Variants in ANKRD30B observed in about 807,000 individuals in gnomAD.
ANKRD30B encodes the protein ankyrin repeat domain 30B.
A neutral mutation model predicts 202.2 loss-of-function variants in ANKRD30B; 144 were observed. The observed-to-expected ratio is 0.71, with a 90% CI of 0.62 to 0.82. ANKRD30B has a LOEUF of 0.82. Among genes scored for constraint, ANKRD30B ranks in the 40% least tolerant of loss-of-function variants. The pLI, the probability that ANKRD30B is intolerant of heterozygous loss-of-function variation, is 0.00. For synonymous variants in ANKRD30B, 508 were observed against 561.3 expected (o/e 0.91, Z 1.34); for missense variants, 1,487 against 1,669.1 (o/e 0.89, Z 1.90).
intron 3 of ANKRD30B, among the ~76,000 whole-genome samples, chr18:14,753,400 T>C (rs1363471294): frequency 1.3e-5 from 2 of 152,184 alleles, no homozygotes; most frequent in Non-Finnish European, 2.9e-5. Context: ...GCATCTGGTG[T>C]CTCTTGAGCA....
the ANKRD30B span, among the ~76,000 whole-genome samples, chr18:14,882,583 T>C: frequency 2.6e-5 from 4 of 152,152 alleles, no homozygotes; most frequent in Admixed American, 2.6e-4. Context: ...TATTCTGTGG[T>C]TGTTGGATGA....
At chr18:14,905,830 T>G in the ANKRD30B span, 2 of 152,188 alleles carry the variant, frequency 1.3e-5, no homozygotes, top group African/African-American at 4.8e-5. Flanking sequence ...GGCATCTTAG[T>G]GCCAAAGGGT....
chr18:14,880,344 G>T, the ANKRD30B span, among the ~76,000 whole-genome samples: 4 of 152,088 alleles, frequency 2.6e-5, no homozygotes, highest in Non-Finnish European at 5.9e-5. Context: ...TTTTTGCTTA[G>T]CCTTGGTCTG....
Position 14,828,403 on chromosome 18 carries a change from C to T in ANKRD30B, c.2774+95C>T, listed in dbSNP as rs150915205. 556 of 919,626 alleles carry T rather than the reference C, an allele frequency of 6.0e-4. 2 individuals are homozygous for T. In the Middle Eastern group the frequency reaches 6.5e-3, roughly 11 times the overall value. The allele number at this position is 919,626 out of a possible 1,614,324, so 57.0% of individuals were successfully genotyped here. A position where few individuals can be genotyped will look rare whatever the true frequency, so the allele number is the denominator to read the frequency against. ...GCTGAGTATTCTACTCTGGGCTAGA[C>T]AACGTATTATGTGCTTAATATTTAT... On this transcript the variant is annotated intron_variant, in intron 33 of 43. Transcript: ENST00000690538.
Position 14,748,574 on chromosome 18 carries a change from A to T in ANKRD30B, c.155A>T (p.Gln52Leu), listed in dbSNP as rs752738425. ...IHTAASRGQV[Q>L]KLEKMTVGKK... The stretch of plus-strand genomic sequence containing the variant: ...ACAGCTGCCTCCCGGGGCCAAGTCC[A>T]GAAGCTGGAGAAGATGACAGTAGGG... The change falls in exon 1 of 44, where the codon CAG (glutamine) becomes CTG (leucine). Residue 52 changes from glutamine to leucine, a missense_variant. Transcript: ENST00000690538. 2.5e-5 allele frequency: 39 copies of T among 1,563,118 alleles called. No individual in the cohort carries two copies. The South Asian group carries it at 4.4e-4, about 18-fold the overall frequency.
In ANKRD30B at chr18:14,791,069, T is replaced by A. The variant is rs192032303; in HGVS notation, c.1735-332T>A. The stretch of plus-strand genomic sequence containing the variant: ...TATTGATTATTGCCACAATTTCAGA[T>A]CCTGTTATTCGTCTATTCAGAGATT... On this transcript the variant is annotated intron_variant, in intron 15 of 43. Coordinates refer to ENST00000690538, the MANE Select transcript of ANKRD30B (RefSeq NM_001367607.2). Among the ~76,000 whole-genome samples, 16 of 152,300 alleles carry A rather than the reference T, an allele frequency of 1.1e-4. No homozygotes were observed. In the East Asian group the frequency reaches 2.9e-3, roughly 28 times the overall value.
chr18:14,826,676 C>CT (rs1970673447), intron 32 of ANKRD30B, among the ~76,000 whole-genome samples: 1 of 50,154 alleles, frequency 2.0e-5, no homozygotes, highest in Non-Finnish European at 4.2e-5. Context: ...CTCTCTCTCC[C>CT]CCTCTCTCTC....
At chr18:14,799,973 G>A (rs1969207183) in intron 22 of ANKRD30B, among the ~76,000 whole-genome samples, 1 of 151,988 alleles carries the variant, frequency 6.6e-6, no homozygotes, top group Non-Finnish European at 1.5e-5. Context: ...GCACATGCCT[G>A]TAATCCTGGC....
chr18:14,829,801 A>G (rs1359193448), intron 33 of ANKRD30B, among the ~76,000 whole-genome samples: 1 of 152,178 alleles, frequency 6.6e-6, no homozygotes, highest in Non-Finnish European at 1.5e-5. Context: ...CAGAATAGAA[A>G]TGTCCTATTC....
chr18:14,828,223 T>G, intron 32 of ANKRD30B, 55 bp from the exon 33 acceptor site: 3 of 1,329,816 alleles, frequency 2.3e-6, no homozygotes, highest in Non-Finnish European at 3.1e-6. Flanking sequence ...TTTAATATTC[T>G]GTATTTTTTA....
intron 33 of ANKRD30B, among the ~76,000 whole-genome samples, chr18:14,828,994 T>G (rs2143062933): frequency 6.6e-6 from 1 of 152,296 alleles, no homozygotes; most frequent in South Asian, 2.1e-4. Flanking sequence ...CTTAGTTTAG[T>G]TCTTCTTCAA....
chr18:14,860,303 CCCAGACGGGGCAG>C, the ANKRD30B span, among the ~76,000 whole-genome samples: 1 of 135,122 alleles, frequency 7.4e-6, no homozygotes, highest in Non-Finnish European at 1.6e-5. Context: ...CTCCTCACAA[CCCAGACGGGGCAG>C]CCAGGCAGTG....
rs1598708325 is a variant in ANKRD30B at position 14,840,638 on chromosome 18, A to G, written c.3039A>G (p.Thr1013=). 10 of 1,538,312 alleles carry G rather than the reference A, an allele frequency of 6.5e-6. No homozygotes were observed. The highest frequency in any genetic ancestry group is 3.6e-5 in the South Asian group (3 of 83,158). Residue 1013 remains threonine (T), a synonymous_variant, in exon 37 of 44, where the codon ACA becomes ACG. Transcript: ENST00000690538. ...TQNYECLPEA[T]YQKEIKTTNG... Reference sequence around the variant, plus strand: ...ATTATGAGTGTTTACCTGAGGCTACATATCAAAAAGAAATAAAGACAACAA... The same window carrying G: ...ATTATGAGTGTTTACCTGAGGCTACGTATCAAAAAGAAATAAAGACAACAA...
intron 4 of ANKRD30B, among the ~76,000 whole-genome samples, chr18:14,756,523 T>A (rs576152228): frequency 6.6e-6 from 1 of 152,250 alleles, no homozygotes; most frequent in South Asian, 2.1e-4. Flanking sequence ...TCTTCTAGAG[T>A]TTTTATGGTT....
chr18:14,794,722 A>G (rs1968756134), intron 16 of ANKRD30B, among the ~76,000 whole-genome samples: 2 of 152,222 alleles, frequency 1.3e-5, no homozygotes, highest in African/African-American at 4.8e-5. Context: ...ACGGTCATGC[A>G]TATTTAGCCT....
At chr18:14,917,423 G>A in the ANKRD30B span, among the ~76,000 whole-genome samples, 3 of 151,448 alleles carry the variant, frequency 2.0e-5, no homozygotes, top group African/African-American at 4.9e-5. Context: ...GTCTATCTGC[G>A]CTTCTCTTTC....
chr18:14,785,164 G>T (rs1351951622), intron 14 of ANKRD30B, among the ~76,000 whole-genome samples: 1 of 152,108 alleles, frequency 6.6e-6, no homozygotes, highest in Non-Finnish European at 1.5e-5. Flanking sequence ...TGAAGCATTT[G>T]GCTTTAGAGT....
the ANKRD30B span, among the ~76,000 whole-genome samples, chr18:14,872,507 C>T: frequency 4.6e-5 from 7 of 152,064 alleles, no homozygotes; most frequent in African/African-American, 1.7e-4. Flanking sequence ...GTTGTGTATC[C>T]AATGCACTGC....
intron 20 of ANKRD30B, 141 bp downstream of exon 20, chr18:14,797,995 T>G: frequency 8.5e-6 from 8 of 944,498 alleles, no homozygotes; most frequent in Non-Finnish European, 1.2e-5. Flanking sequence ...ATGTTAGTAT[T>G]TATGTTTGAG....
Sources: allele counts gnomAD v4.1 joint callset (sites outside exome capture counted in the v4.1 genomes callset), GRCh38; gene constraint gnomAD v4.1.1; transcripts MANE v1.5; gene names NCBI Gene and HGNC (gene_info 2026-07-23, HGNC 2026-07-21).